ERI1: variants seen among roughly 807,000 people sequenced by gnomAD.
The protein encoded by ERI1 is exoribonuclease 1.
ERI1 carries 39 observed loss-of-function variants against 39.7 expected under a neutral mutation model. The observed-to-expected ratio is 0.98, with a 90% CI of 0.76 to 1.28. The LOEUF is 1.28. ERI1 is among the 50% of genes most tolerant of loss of function. ERI1 has a pLI of 0.00. For missense variants in ERI1, 581 were observed against 416.9 expected, an observed-to-expected ratio of 1.39 and a Z score of -3.43; for synonymous variants, 204 against 149.6, an observed-to-expected ratio of 1.36 and a Z score of -2.65.
intron 3 of ERI1, among the ~76,000 whole-genome samples, chr8:9,039,115 T>G (rs974077531): frequency 6.6e-6 from 1 of 152,218 alleles, no homozygotes; most frequent in Non-Finnish European, 1.5e-5. Flanking sequence ...CCAAAGGGCT[T>G]TACCAAGACT....
At chr8:9,067,388 G>GTA (rs1798912278) in intron 3 of ERI1, among the ~76,000 whole-genome samples, 4 of 125,138 alleles carry the variant, frequency 3.2e-5, no homozygotes, top group African/African-American at 1.6e-4. Flanking sequence ...GTGCATGTGT[G>GTA]TGTGTGTGTG....
intron 3 of ERI1, among the ~76,000 whole-genome samples, chr8:9,013,977 T>A (rs1392340265): frequency 6.6e-6 from 1 of 152,218 alleles, no homozygotes; most frequent in Non-Finnish European, 1.5e-5. Context: ...TGTTTCTGTC[T>A]GTGTCCGCCT....
At position 9,050,136 on chromosome 8, in the gene ERI1, C is replaced by G. The variant is rs1001986834; in HGVS notation, n.299+29672C>G. 3.3e-5 allele frequency among the ~76,000 whole-genome samples: 5 copies of G among 150,326 alleles called. No homozygotes were observed. In the Admixed American group the frequency reaches 3.3e-4, roughly 10 times the overall value. The stretch of plus-strand genomic sequence containing the variant: ...TAAGTGAGGTAGAATATATATAAAG[C>G]ACTTTACAGAGTGCCTGGTACATTC... On this transcript the variant is annotated intron_variant and non_coding_transcript_variant, in intron 3 of 3. Coordinates refer to the ERI1 transcript ENST00000518663.
chr8:9,074,742 T>A (rs1196320889), intron 3 of ERI1, among the ~76,000 whole-genome samples: 1 of 152,216 alleles, frequency 6.6e-6, no homozygotes, highest in African/African-American at 2.4e-5. Flanking sequence ...GCCAGTACTT[T>A]ATATTTATTG....
At position 9,066,792 on chromosome 8, in the gene ERI1, A is replaced by T. The variant is rs182046689; in HGVS notation, n.299+46328A>T. On this transcript the variant is annotated intron_variant and non_coding_transcript_variant, in intron 3 of 3. Transcript: ENST00000518663. ...GACAGGCGGGTGAGTTGAGAGGGAA[A>T]CAGCTGGCTGGTTTGTCTCTGTGGT... 1.9e-3 allele frequency among the ~76,000 whole-genome samples: 295 copies of T among 152,104 alleles called. 1 individual carries two copies. Among genetic ancestry groups the T allele is most frequent in the African/African-American group, 6.7e-3 (278 of 41,498 alleles).
downstream of ERI1, among the ~76,000 whole-genome samples, chr8:9,033,759 C>T (rs145558690): frequency 8.7e-4 from 132 of 152,268 alleles, no homozygotes; most frequent in African/African-American, 2.9e-3. Flanking sequence ...TGGCTTGAGC[C>T]TTGCTCTTTA....
At position 9,084,292 on chromosome 8, in the gene ERI1, C is replaced by T. The variant is rs1054546335; in HGVS notation, n.300-32056C>T. 1.7e-4 allele frequency among the ~76,000 whole-genome samples: 26 copies of T among 152,226 alleles called. No homozygotes were observed. The Middle Eastern group carries it at 0.01, about 60-fold the overall frequency. ...TCAAAGAATACCGCCTCATCTATTC[C>T]ACCACATTTTTGTCCATTCCAACTA... On this transcript the variant is annotated intron_variant and non_coding_transcript_variant, in intron 3 of 3. Transcript: ENST00000518663.
intron 3 of ERI1, among the ~76,000 whole-genome samples, chr8:9,048,965 AC>A (rs1487110877): frequency 1.3e-5 from 2 of 151,996 alleles, no homozygotes; most frequent in African/African-American, 4.8e-5. Flanking sequence ...TTCTTTATGC[AC>A]CCAGTCCAGG....
chr8:9,031,779 A>G lies in ERI1; in HGVS notation c.*1745A>G, dbSNP rs1797606876. On this transcript the variant is annotated 3_prime_UTR_variant, in exon 7 of 7. Transcript: ENST00000250263. ...TATTTTGTTGTTGTTGTTGTTTGAG[A>G]CAGAGTTTTTGCTCGTCTGCCAGGA... 1 of 152,162 alleles carries G rather than the reference A, an allele frequency of 6.6e-6. No individual in the cohort carries two copies. The highest frequency in any genetic ancestry group is 6.6e-5 in the Admixed American group (1 of 15,266). The allele number at this position is 152,162 out of a possible 1,614,324, so 9.4% of individuals were successfully genotyped here.
intron 3 of ERI1, among the ~76,000 whole-genome samples, chr8:9,055,576 G>C (rs1798481181): frequency 6.6e-6 from 1 of 152,136 alleles, no homozygotes; most frequent in Non-Finnish European, 1.5e-5. Context: ...TTTTGTTGTT[G>C]TCGCCTAGAC....
intron 1 of ERI1, among the ~76,000 whole-genome samples, chr8:9,003,580 A>G (rs1053852787): frequency 1.3e-5 from 2 of 152,210 alleles, no homozygotes; most frequent in Non-Finnish European, 2.9e-5. Flanking sequence ...AAAAGAAAAA[A>G]TTTAAAAAGC....
intron 3 of ERI1, among the ~76,000 whole-genome samples, chr8:9,063,476 G>A (rs1234274485): frequency 6.6e-6 from 1 of 152,298 alleles, no homozygotes; most frequent in East Asian, 1.9e-4. Flanking sequence ...TTATAGGGTG[G>A]AGGAGCGGAG....
chr8:9,090,400 C>G (rs2117475496), intron 3 of ERI1, among the ~76,000 whole-genome samples: 1 of 152,124 alleles, frequency 6.6e-6, no homozygotes, highest in African/African-American at 2.4e-5. Context: ...AGGAATCCAG[C>G]CAAAGGAAAT....
At chr8:9,020,951 T>A (rs1193055691) in intron 6 of ERI1, among the ~76,000 whole-genome samples, 5 of 152,236 alleles carry the variant, frequency 3.3e-5, no homozygotes, top group Non-Finnish European at 5.9e-5. Flanking sequence ...ATATTTACCT[T>A]TGTATTTCTA....
chr8:9,062,663 C>G (rs1206833995), intron 3 of ERI1: 1 of 150,230 alleles, frequency 6.7e-6, no homozygotes, highest in Non-Finnish European at 1.5e-5. Flanking sequence ...TGTGATGGTC[C>G]TGTAGGCTTC....
At chr8:9,042,025 C>A (rs1486842511) in intron 3 of ERI1, among the ~76,000 whole-genome samples, 1 of 152,194 alleles carries the variant, frequency 6.6e-6, no homozygotes, top group Non-Finnish European at 1.5e-5. Flanking sequence ...TGAGCCACCG[C>A]ACCCAGCCAA....
downstream of ERI1, among the ~76,000 whole-genome samples, chr8:9,037,805 A>G (rs1299034563): frequency 2.0e-5 from 3 of 151,086 alleles, no homozygotes; most frequent in Non-Finnish European, 4.4e-5. Flanking sequence ...ATCCCTGTCT[A>G]TGCTTGACTT....
chr8:9,084,835 A>C (rs768521761), intron 3 of ERI1, among the ~76,000 whole-genome samples: 4 of 152,220 alleles, frequency 2.6e-5, no homozygotes, highest in Middle Eastern at 6.3e-3. Context: ...TAACCTTCTG[A>C]AGAAGCTGAA....
At chr8:9,016,670 A>G (rs1817325169) in intron 4 of ERI1, among the ~76,000 whole-genome samples, 1 of 152,086 alleles carries the variant, frequency 6.6e-6, no homozygotes, top group African/African-American at 2.4e-5. Flanking sequence ...TTGTTTCCAT[A>G]CTGAACTTGG....
Sources: allele counts gnomAD v4.1 joint callset (sites outside exome capture counted in the v4.1 genomes callset), GRCh38; gene constraint gnomAD v4.1.1; transcripts MANE v1.5; gene names NCBI Gene and HGNC (gene_info 2026-07-23, HGNC 2026-07-21).